The following MCF2L variants were observed in gnomAD, a reference collection of about 807,000 sequenced individuals.
MCF2L encodes the protein guanine nucleotide exchange factor DBS.
In MCF2L, 97 loss-of-function variants were observed where a neutral mutation model predicts 153.4. The observed-to-expected ratio is 0.63, with a 90% CI of 0.54 to 0.75. The LOEUF (loss-of-function observed/expected upper bound fraction) is 0.75, where lower values mean the gene tolerates loss of function less well. Ranked by LOEUF, MCF2L falls within the 30% of genes least tolerant of loss-of-function variation. The probability of loss-of-function intolerance (pLI) is 0.00; values close to 1 mark genes in which losing one functional copy is unlikely to be tolerated. For synonymous variants in MCF2L, 659 were observed against 632.2 expected (o/e 1.04, Z -0.64); for missense variants, 1,347 against 1,495.2 (o/e 0.90, Z 1.64).
In MCF2L at chr13:113,024,777, C is replaced by T. The variant is rs1245218754; in HGVS notation, c.278+19C>T. 11 of 1,588,620 alleles carry T rather than the reference C, an allele frequency of 6.9e-6. No individual in the cohort carries two copies. The African/African-American group carries it at 8.1e-5, about 12-fold the overall frequency. On this transcript the variant is annotated intron_variant, in intron 3 of 29. Coordinates refer to ENST00000535094, the MANE Select transcript of MCF2L (RefSeq NM_001112732.3). ...TCCCCAGGTACGTGCACCCAGAGCC[C>T]GGCAGACATTGTGGTTTGGGGCAGA...
At chr13:112,931,018 C>T (rs1172408782) in intron 2 of MCF2L, among the ~76,000 whole-genome samples, 2 of 152,180 alleles carry the variant, frequency 1.3e-5, no homozygotes, top group East Asian at 1.9e-4. Flanking sequence ...AGACACAAGC[C>T]AGCTTTACTG....
At position 113,074,917 on chromosome 13, in the gene MCF2L, G is replaced by T. The variant is rs1594939056; in HGVS notation, c.1117-81G>T. 2 of 1,270,640 alleles carry T rather than the reference G, an allele frequency of 1.6e-6. No homozygotes were observed. The highest frequency in any genetic ancestry group is 2.3e-5 in the East Asian group (1 of 42,620). The allele number at this position is 1,270,640 out of a possible 1,614,324, so 78.7% of individuals were successfully genotyped here. A position where few individuals can be genotyped will look rare whatever the true frequency, so the allele number is the denominator to read the frequency against. ...AAATCAAGACACACGTGTGCCCCGG[G>T]ACACACATCCCGTACAGCAAGGCAC... On this transcript the variant is annotated intron_variant, in intron 10 of 29. Coordinates refer to ENST00000535094, the MANE Select transcript of MCF2L (RefSeq NM_001112732.3). The surrounding 1 kb of genome is among the most constrained non-coding windows in gnomAD (Gnocchi z 4.2).
At position 112,907,146 on chromosome 13, in the gene MCF2L, A is replaced by T. The variant is rs1369873455; in HGVS notation, c.169+4775A>T. Among the ~76,000 whole-genome samples, 1 of 151,580 alleles carries T rather than the reference A, an allele frequency of 6.6e-6. No homozygotes were observed. The highest frequency in any genetic ancestry group is 2.4e-5 in the African/African-American group (1 of 41,192). On this transcript the variant is annotated intron_variant, in intron 2 of 29. Coordinates refer to the MCF2L transcript ENST00000375608. This position sits in a 1 kb window ranked among gnomAD's most constrained non-coding sequence, Gnocchi z 5.1. ...AGATTACACAGGATTCTGAGGGGGG[A>T]CCTTGTCTCCACCTGGGGGCACGCG...
chr13:113,059,568 A>G (rs2031015689), intron 4 of MCF2L, among the ~76,000 whole-genome samples: 1 of 152,188 alleles, frequency 6.6e-6, no homozygotes, highest in Non-Finnish European at 1.5e-5. Flanking sequence ...GCATCTGGAC[A>G]TAACTTGGTG....
intron 16 of MCF2L, 115 bp from the exon 17 acceptor site, chr13:113,082,312 G>T (rs574653554): frequency 1.2e-5 from 8 of 669,552 alleles, no homozygotes; most frequent in Non-Finnish European, 2.2e-5. Context: ...GAAATCACCC[G>T]AGAATAAAGA....
intron 1 of MCF2L, among the ~76,000 whole-genome samples, chr13:112,999,949 G>A (rs7331558): frequency 2.0e-3 from 189 of 95,074 alleles, no homozygotes; most frequent in Non-Finnish European, 4.1e-3. Context: ...AGACACCGGA[G>A]GGCCCCAGAG....
chr13:112,977,248 G>A (rs1243341769), intron 1 of MCF2L, among the ~76,000 whole-genome samples: 2 of 152,156 alleles, frequency 1.3e-5, no homozygotes, highest in Non-Finnish European at 2.9e-5. Flanking sequence ...ATAGACTCCC[G>A]GGGTTCACAA....
rs1366366298 is a variant in MCF2L, at chr13:112,951,474, C to T, written c.169+49103C>T. Reference sequence around the variant, plus strand: ...CCCCAATGTCTTTTGGTGGGTGAAACGTTAAATTGTACGTCCGCACCATGA... The same window carrying T: ...CCCCAATGTCTTTTGGTGGGTGAAATGTTAAATTGTACGTCCGCACCATGA... On this transcript the variant is annotated intron_variant, in intron 2 of 29. Transcript: ENST00000375608. This position sits in a 1 kb window ranked among gnomAD's most constrained non-coding sequence, Gnocchi z 4.8. 6.6e-6 allele frequency among the ~76,000 whole-genome samples: 1 copy of T among 152,106 alleles called. No individual in the cohort carries two copies. The highest frequency in any genetic ancestry group is 2.4e-5 in the African/African-American group (1 of 41,396).
chr13:112,912,947 CTG>C (rs1343550781), intron 2 of MCF2L, among the ~76,000 whole-genome samples: 1 of 131,556 alleles, frequency 7.6e-6, no homozygotes, highest in Non-Finnish European at 1.6e-5. Flanking sequence ...TTGTGTGTGT[CTG>C]TGGTGTATCT....
chr13:113,078,395 G>A lies in MCF2L; in HGVS notation c.1693G>A (p.Glu565Lys), dbSNP rs549114108. ...IRRGSENSSS[E>K]GGALRRGPYR... ...GCGAGGCTCTGAGAACTCCAGCTCC[G>A]AGGGCGGTGCGCTCCGGAGAGGGCC... The change falls in exon 14 of 30, where the codon GAG becomes AAG. Residue 565 changes from glutamate (E) to lysine (K), a missense_variant. Transcript: ENST00000535094. The A allele has an allele frequency of 2.7e-5, 44 of 1,613,206 alleles. No homozygotes were observed. Among genetic ancestry groups the A allele is most frequent in the East Asian group, 1.6e-4 (7 of 44,876 alleles).
chr13:113,010,383 T>A (rs2084011332), intron 1 of MCF2L: 1 of 152,218 alleles, frequency 6.6e-6, no homozygotes, highest in Admixed American at 6.5e-5. Context: ...GATCTAAAGA[T>A]AGACACATGG....
chr13:113,012,710 GGTGTGGACGGTGGACAGGCA>G (rs2084241689), intron 1 of MCF2L, among the ~76,000 whole-genome samples: 1 of 116,536 alleles, frequency 8.6e-6, no homozygotes. Context: ...GTGGACAGGT[GGTGTGGACGGTGGACAGGCA>G]GTGTGGACGG....
chr13:113,006,743 C>T (rs769294159), intron 1 of MCF2L, among the ~76,000 whole-genome samples: 47 of 152,216 alleles, frequency 3.1e-4, no homozygotes, highest in Admixed American at 1.0e-3. Context: ...ATGCTCCCTG[C>T]GGGTGCCACC....
chr13:113,074,678 C>T lies in MCF2L; in HGVS notation c.1116+115C>T. 5.5e-6 allele frequency: 8 copies of T among 1,449,824 alleles called. No individual in the cohort carries two copies. Among genetic ancestry groups the T allele is most frequent in the East Asian group, 4.8e-5 (2 of 41,402 alleles). The allele number at this position is 1,449,824 out of a possible 1,614,324, so 89.8% of individuals were successfully genotyped here. A position where few individuals can be genotyped will look rare whatever the true frequency, so the allele number is the denominator to read the frequency against. On this transcript the variant is annotated intron_variant, in intron 10 of 29. Coordinates refer to ENST00000535094, the MANE Select transcript of MCF2L (RefSeq NM_001112732.3). The surrounding 1 kb of genome is among the most constrained non-coding windows in gnomAD (Gnocchi z 4.2). ...TACGGAGAACGGACCCCACAGCCCC[C>T]CGGGGATGTCCATGGGGTGGGGGGT... is the stretch of plus-strand genomic sequence containing the variant.
chr13:112,914,392 T>A (rs1263365440), intron 2 of MCF2L, among the ~76,000 whole-genome samples: 1 of 152,210 alleles, frequency 6.6e-6, no homozygotes, highest in Non-Finnish European at 1.5e-5. Context: ...GGGCAGTGGC[T>A]ACACTGTATT....
Position 113,075,132 on chromosome 13 carries a change from C to T in MCF2L, c.1251C>T (p.Ile417=), listed in dbSNP as rs372263942. 30 of 1,612,894 alleles carry T rather than the reference C, an allele frequency of 1.9e-5. No homozygotes were observed. The highest frequency in any genetic ancestry group is 4.5e-5 in the East Asian group (2 of 44,834). ...TCTGTGACCAGTTCTCTGCGGAGAT[C>T]GCAAGGAGGAGGGGGCTGCTCAGCA... is the stretch of plus-strand genomic sequence containing the variant. The part of the protein sequence containing the change: ...RHLCDQFSAE[I]ARRRGLLSKS... The change falls in exon 11 of 30, where the codon ATC becomes ATT. Residue 417 remains isoleucine (I), a synonymous_variant. Coordinates refer to ENST00000535094, the MANE Select transcript of MCF2L (RefSeq NM_001112732.3).
chr13:112,972,171 T>C (rs1207699369), intron 1 of MCF2L, among the ~76,000 whole-genome samples: 1 of 152,226 alleles, frequency 6.6e-6, no homozygotes, highest in Non-Finnish European at 1.5e-5. Flanking sequence ...ATACTAACTC[T>C]TGTCATAGAC....
chr13:113,049,037 C>T lies in MCF2L; in HGVS notation c.369+3676C>T, dbSNP rs9577204. Among the ~76,000 whole-genome samples, 822 of 152,314 alleles carry T rather than the reference C, an allele frequency of 5.4e-3. 49 individuals carry two copies. In the East Asian group the frequency reaches 0.12, roughly 23 times the overall value. On this transcript the variant is annotated intron_variant, in intron 4 of 29. Transcript: ENST00000535094. ...TCTTCCTGTCCCCAGGCCCCTGCTA[C>T]CCAGGAGCCCGCCGCCTCCAGAAGG...
chr13:113,076,561 G>A (rs746824563), intron 12 of MCF2L, among the ~76,000 whole-genome samples: 1 of 152,218 alleles, frequency 6.6e-6, no homozygotes, highest in Non-Finnish European at 1.5e-5. Context: ...CACCGCACCT[G>A]GCCCATTTAA....
Sources: gnomAD v4.1 joint callset for allele counts (sites outside exome capture counted in the v4.1 genomes callset) on GRCh38, gnomAD v4.1.1 for gene constraint, Gnocchi (gnomAD v3.1) non-coding constraint, MANE v1.5 for transcripts, NCBI Gene and HGNC (gene_info 2026-07-23, HGNC 2026-07-21) for gene names.